The following PAIP1 variants were observed in gnomAD, a reference collection of about 807,000 sequenced individuals.
PAIP1 encodes the protein polyadenylate-binding protein-interacting protein 1.
PAIP1 carries 16 observed loss-of-function variants against 61.3 expected under a neutral mutation model. The ratio of observed to expected loss-of-function variants is 0.26; its 90% CI spans 0.18 to 0.40. PAIP1 has a LOEUF of 0.40. Ranked by LOEUF, PAIP1 falls within the 10% of genes least tolerant of loss-of-function variation. The pLI is 1.00. For synonymous variants in PAIP1, 187 were observed against 226.2 expected, an observed-to-expected ratio of 0.83 and a Z score of 1.56; for missense variants, 416 against 600.9, an observed-to-expected ratio of 0.69 and a Z score of 3.22.
In PAIP1 at chr5:43,527,273, C is replaced by T; in HGVS notation, c.*103G>A. On this transcript the variant is annotated 3_prime_UTR_variant, in exon 11 of 11. Coordinates refer to ENST00000306846, the MANE Select transcript of PAIP1 (RefSeq NM_006451.5). ...TGCATACATTAGTAACATAACTCAA[C>T]ATCCTTAATTTGGTATAGATGTGAC... 3.2e-6 allele frequency: 2 copies of T among 616,560 alleles called. No individual in the cohort carries two copies. The highest frequency in any genetic ancestry group is 3.0e-5 in the South Asian group (1 of 33,180). The allele number at this position is 616,560 out of a possible 1,614,324, so 38.2% of individuals were successfully genotyped here.
At chr5:43,547,290 T>G (rs1332036726) in intron 3 of PAIP1, among the ~76,000 whole-genome samples, 1 of 152,108 alleles carries the variant, frequency 6.6e-6, no homozygotes, top group African/African-American at 2.4e-5. Flanking sequence ...TCTCAATTTT[T>G]TTCCTCCCCT....
intron 9 of PAIP1, among the ~76,000 whole-genome samples, chr5:43,531,128 G>C (rs1399849452): frequency 6.6e-6 from 1 of 151,990 alleles, no homozygotes; most frequent in Non-Finnish European, 1.5e-5. Flanking sequence ...TGTAGAAATT[G>C]GTGCCCCAGA....
At position 43,552,906 on chromosome 5, in the gene PAIP1, A is replaced by G. The variant is rs151264303; in HGVS notation, c.435+2924T>C. ...TTTAAAAATCGGAAGAACATCAGTC[A>G]CAAAAATAGTATCAATACAATTAGG... On this transcript the variant is annotated intron_variant, in intron 2 of 10. Transcript: ENST00000306846. 3.0e-4 allele frequency among the ~76,000 whole-genome samples: 45 copies of G among 152,268 alleles called. 1 individual carries two copies. Among genetic ancestry groups the G allele is most frequent in the African/African-American group, 1.0e-3 (43 of 41,520 alleles).
At chr5:43,530,584 C>T (rs985147050) in intron 9 of PAIP1, among the ~76,000 whole-genome samples, 1 of 152,170 alleles carries the variant, frequency 6.6e-6, no homozygotes, top group African/African-American at 2.4e-5. Context: ...TGGGTAAAAG[C>T]CATGTTCTTC....
At chr5:43,541,901 G>C (rs2112400911) in intron 4 of PAIP1, among the ~76,000 whole-genome samples, 1 of 152,148 alleles carries the variant, frequency 6.6e-6, no homozygotes, top group South Asian at 2.1e-4. Flanking sequence ...GACAGGCTGG[G>C]CGTGGTGGCT....
intron 2 of PAIP1, among the ~76,000 whole-genome samples, chr5:43,554,243 A>C (rs916337662): frequency 2.0e-5 from 3 of 152,220 alleles, no homozygotes; most frequent in Admixed American, 6.5e-5. Context: ...CCATCATAAA[A>C]CAGCCCAAGT....
intron 2 of PAIP1, among the ~76,000 whole-genome samples, chr5:43,553,384 T>C (rs1239157683): frequency 6.6e-6 from 1 of 152,188 alleles, no homozygotes; most frequent in Non-Finnish European, 1.5e-5. Context: ...GATTTTCATG[T>C]GTAGAACAAA....
At chr5:43,528,669 G>A (rs1016711791) in intron 10 of PAIP1, among the ~76,000 whole-genome samples, 11 of 151,184 alleles carry the variant, frequency 7.3e-5, no homozygotes, top group Admixed American at 1.3e-4. Context: ...ATCTCAAACC[G>A]ACACATAATT....
chr5:43,542,565 A>C (rs1747457681), intron 4 of PAIP1, among the ~76,000 whole-genome samples: 1 of 151,870 alleles, frequency 6.6e-6, no homozygotes, highest in Non-Finnish European at 1.5e-5. Context: ...TTTAATAGCT[A>C]TTGTATGAAT....
chr5:43,541,947 T>TG (rs1267812517), intron 4 of PAIP1, among the ~76,000 whole-genome samples: 1 of 151,388 alleles, frequency 6.6e-6, no homozygotes, highest in Non-Finnish European at 1.5e-5. Flanking sequence ...GAGGCTGAGG[T>TG]GGGCGGATCA....
At chr5:43,547,963 A>C (rs1747711576) in intron 2 of PAIP1, 50 bp from the exon 3 acceptor site, 1 of 1,203,914 alleles carries the variant, frequency 8.3e-7, no homozygotes. Context: ...ACTGGCTAAA[A>C]CACACAAGGT....
rs1265203946 is a variant in PAIP1 at position 43,526,287 on chromosome 5, A to G, written c.*1089T>C. On this transcript the variant is annotated 3_prime_UTR_variant, in exon 11 of 11. Coordinates refer to ENST00000306846, the MANE Select transcript of PAIP1 (RefSeq NM_006451.5). Reference sequence around the variant, plus strand: ...AAAAATTTAGAGGAAACAACTATTTAAGCTTTATTTTCAAAGTCTAATTTT... The same window carrying G: ...AAAAATTTAGAGGAAACAACTATTTGAGCTTTATTTTCAAAGTCTAATTTT... The G allele has an allele frequency of 6.6e-6, 1 of 152,604 alleles. No homozygotes were observed. Among genetic ancestry groups the G allele is most frequent in the African/African-American group, 2.4e-5 (1 of 41,452 alleles). The allele number at this position is 152,604 out of a possible 1,614,324, so 9.5% of individuals were successfully genotyped here. A position where few individuals can be genotyped will look rare whatever the true frequency, so the allele number is the denominator to read the frequency against.
At chr5:43,529,267 AT>A (rs1315463010) in intron 10 of PAIP1, among the ~76,000 whole-genome samples, 35 of 152,352 alleles carry the variant, frequency 2.3e-4, no homozygotes, top group African/African-American at 7.5e-4. Context: ...TTTTAAAAAA[AT>A]AATTATGCTT....
In PAIP1 at chr5:43,529,409, C is replaced by CT. The variant is rs143733758; in HGVS notation, c.1346+376dup. ...ACATAGCACCATCAAATCAAAATGC[C>CT]TTTTTTTTTTTTGAGACAGAATCTA... On this transcript the variant is annotated intron_variant, in intron 10 of 10. Coordinates refer to ENST00000306846, the MANE Select transcript of PAIP1 (RefSeq NM_006451.5). Among the ~76,000 whole-genome samples the CT allele has an allele frequency of 5.5e-3, 788 of 144,518 alleles. 1 individual carries two copies. The highest frequency in any genetic ancestry group is 0.013 in the African/African-American group (520 of 39,712). The allele number at this position is 144,518 out of a possible 152,430, so 94.8% of individuals were successfully genotyped here. A position where few individuals can be genotyped will look rare whatever the true frequency, so the allele number is the denominator to read the frequency against.
chr5:43,542,550 A>G (rs1747457145), intron 4 of PAIP1, among the ~76,000 whole-genome samples: 1 of 151,598 alleles, frequency 6.6e-6, no homozygotes, highest in South Asian at 2.1e-4. Context: ...AAAAAAAAAA[A>G]GCTTTTTAAT....
At chr5:43,534,447 C>T (rs1024736183) in intron 8 of PAIP1, among the ~76,000 whole-genome samples, 3 of 152,212 alleles carry the variant, frequency 2.0e-5, no homozygotes, top group Non-Finnish European at 4.4e-5. Context: ...GATCTGCCCA[C>T]CTTGGCCTCC....
At chr5:43,548,010 C>A in intron 2 of PAIP1, 97 bp from the exon 3 acceptor site, 1 of 672,920 alleles carries the variant, frequency 1.5e-6, no homozygotes, top group Non-Finnish European at 2.5e-6. Flanking sequence ...TTAAAGATCC[C>A]TCACATGATA....
At chr5:43,556,481 G>C in intron 1 of PAIP1, 101 bp downstream of exon 1, 1 of 1,204,240 alleles carries the variant, frequency 8.3e-7, no homozygotes, top group Non-Finnish European at 1.0e-6. Flanking sequence ...CGGGGAACCG[G>C]GGGTGGGGAC....
chr5:43,546,027 C>A (rs1747621683), intron 3 of PAIP1, among the ~76,000 whole-genome samples: 1 of 152,170 alleles, frequency 6.6e-6, no homozygotes, highest in South Asian at 2.1e-4. Context: ...CCCGCCTCGG[C>A]CTCCCAAAGT....
Sources: gnomAD v4.1 joint callset for allele counts (sites outside exome capture counted in the v4.1 genomes callset) on GRCh38, gnomAD v4.1.1 for gene constraint, MANE v1.5 for transcripts, NCBI Gene and HGNC (gene_info 2026-07-23, HGNC 2026-07-21) for gene names.